Variants in SRP72 observed in about 807,000 individuals in gnomAD.
SRP72 encodes signal recognition particle 72, also known as signal recognition particle subunit SRP72.
SRP72 carries 49 observed loss-of-function variants against 96.3 expected under a neutral mutation model. The observed-to-expected ratio is 0.51, with a 90% CI of 0.40 to 0.65. The LOEUF is 0.65. Among genes scored for constraint, SRP72 ranks in the 30% least tolerant of loss-of-function variants. SRP72 has a pLI of 0.00. For synonymous variants in SRP72, 267 were observed against 275.2 expected (o/e 0.97, Z 0.30); for missense variants, 736 against 793.3 (o/e 0.93, Z 0.87).
chr4:56,483,251 T>G lies in SRP72; in HGVS notation c.938T>G (p.Leu313Arg), dbSNP rs1720571001. 1 of 1,613,128 alleles carries G rather than the reference T, an allele frequency of 6.2e-7. No individual in the cohort carries two copies. The highest frequency in any genetic ancestry group is 2.2e-5 in the East Asian group (1 of 44,756). ...LQAIEFNKAL[L>R]AMYTNQAEQC... ...GCTATAGAATTTAACAAAGCTTTAC[T>G]TGCTATGTACACAAACCAGGTGGGT... Residue 313 changes from leucine (L) to arginine (R), a missense_variant, in exon 9 of 19, where the codon CTT becomes CGT. Physicochemically the swap from Leu to Arg is moderately radical, Grantham distance 102. Around this residue, in one of 3 missense-constraint regions of SRP72, gnomAD observed 388 missense variants for 431.8 expected, o/e 0.90. Transcript: ENST00000642900.
At chr4:56,482,416 C>A (rs145177043) in intron 8 of SRP72, among the ~76,000 whole-genome samples, 1 of 151,118 alleles carries the variant, frequency 6.6e-6, no homozygotes, top group African/African-American at 2.4e-5. Context: ...CCACTGCTCT[C>A]CAGCCTGGGT....
At chr4:56,472,869 T>C (rs1720034285) in intron 3 of SRP72, among the ~76,000 whole-genome samples, 2 of 152,192 alleles carry the variant, frequency 1.3e-5, no homozygotes, top group South Asian at 4.1e-4. Flanking sequence ...TCATACATAA[T>C]GGACTAATTG....
chr4:56,476,786 C>CT (rs1237087009), intron 6 of SRP72, 84 bp downstream of exon 6: 27 of 1,424,540 alleles, frequency 1.9e-5, no homozygotes, highest in Non-Finnish European at 2.6e-5. Flanking sequence ...TATTTATTGA[C>CT]TTTTTTTAGA....
Position 56,491,484 on chromosome 4 carries a change from A to T in SRP72, c.1556A>T (p.Glu519Val), listed in dbSNP as rs767910888. 57 of 1,613,882 alleles carry T rather than the reference A, an allele frequency of 3.5e-5. No individual in the cohort carries two copies. In the East Asian group the frequency reaches 9.1e-4, roughly 26 times the overall value. ...AGTATGTCTCTAAAAGTAGATGTTG[A>T]GGCTCTTGAAAATTCTGCTGGTGCT... is the stretch of plus-strand genomic sequence containing the variant. ...SDSMSLKVDV[E>V]ALENSAGATY... The change falls in exon 16 of 19, where the codon GAG becomes GTG. Residue 519 changes from glutamate to valine, a missense_variant. Coordinates refer to ENST00000642900, the MANE Select transcript of SRP72 (RefSeq NM_006947.4).
At chr4:56,497,952 C>T (rs1721134722) in intron 17 of SRP72, among the ~76,000 whole-genome samples, 3 of 152,164 alleles carry the variant, frequency 2.0e-5, no homozygotes, top group Non-Finnish European at 2.9e-5. Context: ...ACTTTCCTTT[C>T]TCCTAGCCTA....
intron 11 of SRP72, 59 bp from the exon 12 acceptor site, chr4:56,487,890 A>T (rs1720774400): frequency 3.8e-6 from 5 of 1,323,754 alleles, no homozygotes; most frequent in Non-Finnish European, 4.2e-6. Flanking sequence ...AATTTCTTGT[A>T]TTTTTTTTTC....
rs539665243 is a variant in SRP72 at position 56,484,026 on chromosome 4, A to ATTTTTTTTTTTTTTTTTTTTTTTTT, written c.958-709_958-685dup. Among the ~76,000 whole-genome samples, 17 of 86,618 alleles carry ATTTTTTTTTTTTTTTTTTTTTTTTT rather than the reference A, an allele frequency of 2.0e-4. 2 individuals are homozygous for ATTTTTTTTTTTTTTTTTTTTTTTTT. The highest frequency in any genetic ancestry group is 1.6e-3 in the East Asian group (3 of 1,858). The allele number at this position is 86,618 out of a possible 152,430, so 56.8% of individuals were successfully genotyped here. ...TTTAGTGGGAGACAGAGAAGCAGTA[A>ATTTTTTTTTTTTTTTTTTTTTTTTT]TTTTTTTTTTTTTTTTTTTTTTTTT... On this transcript the variant is annotated intron_variant, in intron 9 of 18. Transcript: ENST00000642900.
chr4:56,469,064 T>C (rs1270277908), intron 1 of SRP72, among the ~76,000 whole-genome samples: 1 of 152,234 alleles, frequency 6.6e-6, no homozygotes, highest in East Asian at 1.9e-4. Context: ...TTGGAAACGT[T>C]GCCAGCAAGA....
chr4:56,479,414 C>G (rs1292565980), intron 8 of SRP72, among the ~76,000 whole-genome samples: 1 of 152,024 alleles, frequency 6.6e-6, no homozygotes, highest in African/African-American at 2.4e-5. Flanking sequence ...CTCCCGACCT[C>G]GTGATCCGCC....
At chr4:56,489,274 ATC>A in intron 12 of SRP72, 112 bp from the exon 13 acceptor site, 1 of 469,112 alleles carries the variant, frequency 2.1e-6, no homozygotes, top group Non-Finnish European at 3.8e-6. Context: ...TTTATGATAA[ATC>A]AGGTATTAGC....
intron 16 of SRP72, among the ~76,000 whole-genome samples, chr4:56,494,022 GAGA>G (rs1346249926): frequency 6.6e-6 from 1 of 152,206 alleles, no homozygotes; most frequent in African/African-American, 2.4e-5. Flanking sequence ...AGGCTTCATG[GAGA>G]AGATGATTGT....
chr4:56,476,407 C>T (rs1351174980), intron 5 of SRP72: 2 of 453,822 alleles, frequency 4.4e-6, no homozygotes, highest in Admixed American at 4.3e-5. Context: ...TTAATATTTA[C>T]TACATTTGTA....
rs6830145 is a variant in SRP72, at chr4:56,484,597, A to G, written c.958-139A>G. ...AAAAAATTGAGAATAGATACTGTAA[A>G]CTGATTCTCTTACCCTAGGCAGTTC... is the stretch of plus-strand genomic sequence containing the variant. On this transcript the variant is annotated intron_variant, in intron 9 of 18. Coordinates refer to ENST00000642900, the MANE Select transcript of SRP72 (RefSeq NM_006947.4). The G allele has an allele frequency of 0.092, 102,913 of 1,115,532 alleles. 5,939 individuals are homozygous for G. The highest frequency in any genetic ancestry group is 0.23 in the East Asian group (9,538 of 41,460). The allele number at this position is 1,115,532 out of a possible 1,614,324, so 69.1% of individuals were successfully genotyped here. A position where few individuals can be genotyped will look rare whatever the true frequency, so the allele number is the denominator to read the frequency against.
intron 11 of SRP72, 93 bp downstream of exon 11, chr4:56,486,490 G>T (rs1720714694): frequency 2.0e-6 from 2 of 1,003,876 alleles, no homozygotes; most frequent in Admixed American, 2.9e-5. Context: ...AAGTTTTTTT[G>T]TGTAATAGTA....
intron 13 of SRP72, 110 bp from the exon 14 acceptor site, chr4:56,490,223 T>G: frequency 1.3e-6 from 1 of 763,666 alleles, no homozygotes; most frequent in Non-Finnish European, 2.1e-6. Context: ...AAACTTAAGA[T>G]GAGGGATCTA....
chr4:56,469,700 G>C lies in SRP72; in HGVS notation c.157G>C (p.Val53Leu), dbSNP rs1719888575. Reference sequence around the variant, plus strand: ...CGTAACTGCCCTGCATTGTAAAGTGGTATGCCTTATCCAGAATGGAAGTTT... The same window carrying C: ...CGTAACTGCCCTGCATTGTAAAGTGCTATGCCTTATCCAGAATGGAAGTTT... The part of the protein sequence containing the change: ...DDVTALHCKV[V>L]CLIQNGSFKE... The change falls in exon 2 of 19, where the codon GTA becomes CTA. Residue 53 changes from valine to leucine, a missense_variant. Physicochemically the swap from Val to Leu is conservative, Grantham distance 32 (BLOSUM62 1). Around this residue, in one of 3 missense-constraint regions of SRP72, gnomAD observed 329 missense variants for 319.0 expected, o/e 1.03. Coordinates refer to ENST00000642900, the MANE Select transcript of SRP72 (RefSeq NM_006947.4). 6.2e-7 allele frequency: 1 copy of C among 1,612,586 alleles called. No individual in the cohort carries two copies. The highest frequency in any genetic ancestry group is 1.3e-5 in the African/African-American group (1 of 74,918).
chr4:56,498,510 A>G (rs1378531016), intron 17 of SRP72, among the ~76,000 whole-genome samples: 1 of 152,224 alleles, frequency 6.6e-6, no homozygotes, highest in Non-Finnish European at 1.5e-5. Context: ...ATGATTGTAT[A>G]TTTAGAAAAC....
intron 16 of SRP72, 172 bp downstream of exon 16, chr4:56,491,740 G>A: frequency 1.8e-6 from 1 of 561,216 alleles, no homozygotes; most frequent in African/African-American, 1.9e-5. Context: ...TTTTCCCTCA[G>A]CCCAAAATTA....
intron 11 of SRP72, among the ~76,000 whole-genome samples, chr4:56,487,662 C>T (rs1720763488): frequency 6.6e-6 from 1 of 152,166 alleles, no homozygotes; most frequent in African/African-American, 2.4e-5. Flanking sequence ...TAGAACTCAA[C>T]AGACTGGGAG....
Sources: allele counts gnomAD v4.1 joint callset (sites outside exome capture counted in the v4.1 genomes callset), GRCh38; gene constraint gnomAD v4.1.1; regional missense constraint gnomAD v4.1.1; transcripts MANE v1.5; gene names NCBI Gene and HGNC (gene_info 2026-07-23, HGNC 2026-07-21).